The following BMPR1A variants were observed in gnomAD, a reference collection of about 807,000 sequenced individuals.
BMPR1A encodes bone morphogenetic protein receptor type 1A.
Under a neutral mutation model 66.0 loss-of-function variants are expected in BMPR1A, and 7 were observed. That is an observed-to-expected ratio of 0.11 (90% CI 0.06 to 0.20). The LOEUF is 0.20. BMPR1A is among the 10% of genes least tolerant of loss of function. The probability of loss-of-function intolerance (pLI) is 1.00; values close to 1 mark genes in which losing one functional copy is unlikely to be tolerated. For synonymous variants in BMPR1A, 200 were observed against 229.7 expected (o/e 0.87, Z 1.17); for missense variants, 408 against 669.1 (o/e 0.61, Z 4.31).
chr10:86,764,395 A>G (rs1157558654), intron 1 of BMPR1A, among the ~76,000 whole-genome samples: 4 of 152,234 alleles, frequency 2.6e-5, no homozygotes, highest in African/African-American at 7.2e-5. Context: ...ATACCAAATC[A>G]ATGAAATATA....
chr10:86,892,486 A>G (rs1843166598), intron 5 of BMPR1A, among the ~76,000 whole-genome samples: 1 of 152,240 alleles, frequency 6.6e-6, no homozygotes, highest in African/African-American at 2.4e-5. Context: ...TCTGTTGCCC[A>G]GGCTGGAGTG....
chr10:86,860,630 T>C (rs1417690660), intron 2 of BMPR1A, among the ~76,000 whole-genome samples: 2 of 151,084 alleles, frequency 1.3e-5, no homozygotes, highest in Non-Finnish European at 3.0e-5. Context: ...ATTGGCCAAG[T>C]GTGGTGGCAT....
At chr10:86,909,881 A>G (rs1165546073) in intron 7 of BMPR1A, among the ~76,000 whole-genome samples, 4 of 152,056 alleles carry the variant, frequency 2.6e-5, no homozygotes, top group Admixed American at 2.6e-4. Flanking sequence ...GAAAATAGGC[A>G]TTCTCATATG....
In BMPR1A at chr10:86,900,950, A is replaced by G. The variant is rs774154399; in HGVS notation, c.530+824A>G. The stretch of plus-strand genomic sequence containing the variant: ...CTCCCCTTGGGGCCAGTCCCCTCCC[A>G]TAACACATCAGGGCTGATCTGTGTG... On this transcript the variant is annotated intron_variant, in intron 7 of 12. Coordinates refer to ENST00000372037, the MANE Select transcript of BMPR1A (RefSeq NM_004329.3). 4.6e-5 allele frequency among the ~76,000 whole-genome samples: 7 copies of G among 152,226 alleles called. No homozygotes were observed. In the South Asian group the frequency reaches 8.3e-4, roughly 18 times the overall value.
intron 1 of BMPR1A, among the ~76,000 whole-genome samples, chr10:86,799,469 T>TCTTCCTTCCTTCCTTCCTTCCTTCCTTC (rs4029467): frequency 6.6e-5 from 8 of 120,904 alleles, no homozygotes; most frequent in African/African-American, 2.3e-4. Context: ...TTCCTTCCTT[T>TCTTCCTTCCTTCCTTCCTTCCTTCCTTC]CTTCCTTCCT....
intron 3 of BMPR1A, among the ~76,000 whole-genome samples, chr10:86,883,585 A>G (rs1376364690): frequency 4.8e-5 from 7 of 145,744 alleles, no homozygotes; most frequent in Non-Finnish European, 1.0e-4. Context: ...AGCCTGGCCA[A>G]CATGGTGAAA....
chr10:86,829,069 C>T (rs1039008142), intron 1 of BMPR1A, among the ~76,000 whole-genome samples: 7 of 152,012 alleles, frequency 4.6e-5, no homozygotes, highest in Non-Finnish European at 7.4e-5. Context: ...AGGAGGGATA[C>T]GGAGGGAAAG....
chr10:86,762,904 T>C (rs1841091597), intron 1 of BMPR1A, among the ~76,000 whole-genome samples: 1 of 152,032 alleles, frequency 6.6e-6, no homozygotes. Context: ...GTAGTATTTA[T>C]TTATTTATTT....
At chr10:86,882,731 G>C (rs754231140) in intron 3 of BMPR1A, among the ~76,000 whole-genome samples, 8 of 151,332 alleles carry the variant, frequency 5.3e-5, no homozygotes, top group Non-Finnish European at 8.8e-5. Context: ...TTGGGAGGCT[G>C]AGACGGGCGG....
At chr10:86,768,372 GC>G (rs993879228) in intron 1 of BMPR1A, among the ~76,000 whole-genome samples, 11 of 152,026 alleles carry the variant, frequency 7.2e-5, no homozygotes, top group Non-Finnish European at 1.5e-4. Context: ...TTAAAGATGT[GC>G]CCCCCACCCC....
rs775188308 is a variant in BMPR1A, at chr10:86,890,136, G to A, written c.142G>A (p.Val48Ile). 2 of 1,613,994 alleles carry A rather than the reference G, an allele frequency of 1.2e-6. No homozygotes were observed. Among genetic ancestry groups the A allele is most frequent in the African/African-American group, 2.7e-5 (2 of 74,930 alleles). Reference sequence around the variant, plus strand: ...CGACCAGAAAAAGTCAGAAAATGGAGTAACCTTAGCACCAGAGGATACCTT... The same window carrying A: ...CGACCAGAAAAAGTCAGAAAATGGAATAACCTTAGCACCAGAGGATACCTT... ...DSDQKKSENG[V>I]TLAPEDTLPF... The change falls in exon 4 of 13, where the codon GTA becomes ATA. Residue 48 changes from valine (V) to isoleucine (I), a missense_variant. Val to Ile is a conservative substitution (Grantham distance 29). Transcript: ENST00000372037.
intron 7 of BMPR1A, among the ~76,000 whole-genome samples, chr10:86,903,135 A>C (rs1389093312): frequency 6.6e-6 from 1 of 152,206 alleles, no homozygotes; most frequent in Non-Finnish European, 1.5e-5. Context: ...CAACAAGGTA[A>C]AATTCACAAT....
intron 1 of BMPR1A, among the ~76,000 whole-genome samples, chr10:86,808,764 A>G (rs937967450): frequency 2.0e-5 from 3 of 152,214 alleles, no homozygotes; most frequent in Non-Finnish European, 4.4e-5. Context: ...TTTCTTTACA[A>G]TCACCATTGG....
chr10:86,804,107 T>C (rs1389365627), intron 1 of BMPR1A, among the ~76,000 whole-genome samples: 3 of 152,234 alleles, frequency 2.0e-5, no homozygotes, highest in Non-Finnish European at 4.4e-5. Flanking sequence ...CTTTTTCTAA[T>C]AATTTTCAGT....
At chr10:86,824,081 T>TTGTGTGTG (rs71477609) in intron 1 of BMPR1A, among the ~76,000 whole-genome samples, 1,423 of 94,122 alleles carry the variant, frequency 0.015, 19 homozygotes, top group African/African-American at 0.039. Flanking sequence ...TTACCAAGGG[T>TTGTGTGTG]TGTGTGTGTG....
chr10:86,791,445 C>T (rs1841617468), intron 1 of BMPR1A, among the ~76,000 whole-genome samples: 1 of 151,948 alleles, frequency 6.6e-6, no homozygotes, highest in African/African-American at 2.4e-5. Flanking sequence ...ATCTCCTCAC[C>T]TCGTGATGTC....
At chr10:86,879,552 A>G (rs1191240119) in intron 3 of BMPR1A, among the ~76,000 whole-genome samples, 2 of 152,226 alleles carry the variant, frequency 1.3e-5, no homozygotes, top group South Asian at 2.1e-4. Flanking sequence ...GAATAAGAGT[A>G]TCTGTTGCTG....
intron 2 of BMPR1A, among the ~76,000 whole-genome samples, chr10:86,868,778 G>GTTTTTTTTTTTTTTTTTTTTTTTT (rs55872033): frequency 7.1e-6 from 1 of 141,044 alleles, no homozygotes; most frequent in Non-Finnish European, 1.5e-5. Flanking sequence ...CTTTTCCTGT[G>GTTTTTTTTTTTTTTTTTTTTTTTT]TTTTTTTTTT....
At chr10:86,866,208 A>G (rs1842782627) in intron 2 of BMPR1A, among the ~76,000 whole-genome samples, 2 of 150,306 alleles carry the variant, frequency 1.3e-5, no homozygotes, top group African/African-American at 2.5e-5. Flanking sequence ...GAATCTATAG[A>G]TAGAAGAGGG....
Sources: gnomAD v4.1 joint callset for allele counts (sites outside exome capture counted in the v4.1 genomes callset) on GRCh38, gnomAD v4.1.1 for gene constraint, MANE v1.5 for transcripts, NCBI Gene and HGNC (gene_info 2026-07-23, HGNC 2026-07-21) for gene names.